CADM2: variants seen among roughly 807,000 people sequenced by gnomAD.
The protein encoded by CADM2 is immunoglobulin superfamily member 4D.
In CADM2, 12 loss-of-function variants were observed where a neutral mutation model predicts 49.8. The ratio of observed to expected loss-of-function variants is 0.24; its 90% CI spans 0.15 to 0.39. The LOEUF (loss-of-function observed/expected upper bound fraction) is 0.39. CADM2 is among the 10% of genes least tolerant of loss of function. CADM2 has a pLI of 1.00. For missense variants in CADM2, 378 were observed against 492.3 expected, an observed-to-expected ratio of 0.77 and a Z score of 2.20; for synonymous variants, 214 against 175.4, an observed-to-expected ratio of 1.22 and a Z score of -1.74.
intron 8 of CADM2, among the ~76,000 whole-genome samples, chr3:86,025,159 G>T (rs1733733011): frequency 6.6e-6 from 1 of 151,874 alleles, no homozygotes; most frequent in African/African-American, 2.4e-5. Flanking sequence ...GAGTTCAAGT[G>T]ATTCTCCTGC....
chr3:85,664,766 G>A (rs1197621103), intron 1 of CADM2, among the ~76,000 whole-genome samples: 4 of 151,868 alleles, frequency 2.6e-5, no homozygotes, highest in Non-Finnish European at 4.4e-5. Flanking sequence ...GACATTTGCT[G>A]TCTCTTATCC....
chr3:85,541,754 T>A (rs1384582659), intron 1 of CADM2, among the ~76,000 whole-genome samples: 3 of 22,924 alleles, frequency 1.3e-4, no homozygotes, highest in Non-Finnish European at 3.7e-4. Context: ...TTTTATATAT[T>A]TTATATATAT....
intron 1 of CADM2, among the ~76,000 whole-genome samples, chr3:85,518,780 A>G (rs1036811567): frequency 3.3e-5 from 5 of 152,084 alleles, no homozygotes; most frequent in African/African-American, 1.2e-4. Context: ...GGACATTGTA[A>G]TGGCATTTAA....
In CADM2 at chr3:85,201,910, G is replaced by A. The variant is rs185505748; in HGVS notation, c.61+242242G>A. On this transcript the variant is annotated intron_variant, in intron 1 of 9. Transcript: ENST00000383699. The stretch of plus-strand genomic sequence containing the variant: ...ATCCTGGCCAACATGGTGAAACCCC[G>A]TCTCTACTAAAAATACAAAAATTCG... Among the ~76,000 whole-genome samples, 37 of 151,670 alleles carry A rather than the reference G, an allele frequency of 2.4e-4. No homozygotes were observed. The South Asian group carries it at 3.1e-3, about 13-fold the overall frequency.
At chr3:85,175,902 C>T (rs1281246492) in intron 1 of CADM2, among the ~76,000 whole-genome samples, 3 of 138,962 alleles carry the variant, frequency 2.2e-5, no homozygotes, top group Admixed American at 1.5e-4. Context: ...CACAGTTTAT[C>T]TGAGTTATGT....
intron 1 of CADM2, among the ~76,000 whole-genome samples, chr3:85,037,697 G>C (rs2035276036): frequency 6.6e-6 from 1 of 152,028 alleles, no homozygotes; most frequent in Non-Finnish European, 1.5e-5. Flanking sequence ...TTATCTTATT[G>C]CATTATATAT....
intron 1 of CADM2, among the ~76,000 whole-genome samples, chr3:85,499,343 G>C (rs2040025554): frequency 6.6e-6 from 1 of 151,988 alleles, no homozygotes; most frequent in Non-Finnish European, 1.5e-5. Context: ...AAAGAGGTCA[G>C]GTATTTAAAG....
intron 1 of CADM2, among the ~76,000 whole-genome samples, chr3:85,581,931 G>A (rs1434511695): frequency 6.6e-6 from 1 of 151,532 alleles, no homozygotes; most frequent in Non-Finnish European, 1.5e-5. Flanking sequence ...GTTTTGTTTT[G>A]TTTTGTTTTG....
intron 1 of CADM2, among the ~76,000 whole-genome samples, chr3:85,261,881 A>G (rs914216062): frequency 6.6e-6 from 1 of 152,096 alleles, no homozygotes; most frequent in Non-Finnish European, 1.5e-5. Context: ...TGAAATCTGT[A>G]TTTCCACGTT....
intron 8 of CADM2, among the ~76,000 whole-genome samples, chr3:85,970,845 A>G (rs952913452): frequency 7.3e-5 from 11 of 151,556 alleles, no homozygotes; most frequent in Non-Finnish European, 1.5e-4. Flanking sequence ...AGCGGTATCA[A>G]GATAAACCTA....
chr3:85,758,274 G>A (rs1049264030), intron 2 of CADM2, among the ~76,000 whole-genome samples: 7 of 152,164 alleles, frequency 4.6e-5, no homozygotes, highest in Non-Finnish European at 7.4e-5. Flanking sequence ...ACTTAATTTA[G>A]CATTGGACAT....
intron 1 of CADM2, among the ~76,000 whole-genome samples, chr3:85,656,905 A>G (rs950607768): frequency 6.6e-6 from 1 of 152,152 alleles, no homozygotes; most frequent in Non-Finnish European, 1.5e-5. Context: ...ATAGAACATG[A>G]TATCAGTCTA....
chr3:85,406,370 T>A (rs937408969), intron 1 of CADM2, among the ~76,000 whole-genome samples: 6 of 152,160 alleles, frequency 3.9e-5, no homozygotes, highest in Non-Finnish European at 8.8e-5. Flanking sequence ...AAAAATTCTA[T>A]AAAATTACAG....
intron 8 of CADM2, among the ~76,000 whole-genome samples, chr3:86,064,323 C>G (rs182989836): frequency 6.6e-6 from 1 of 151,896 alleles, no homozygotes; most frequent in Non-Finnish European, 1.5e-5. Context: ...TTTGTCCTTG[C>G]GATAGTTTGC....
chr3:85,745,924 G>T (rs1359052031), intron 2 of CADM2, among the ~76,000 whole-genome samples: 1 of 151,328 alleles, frequency 6.6e-6, no homozygotes, highest in Non-Finnish European at 1.5e-5. Context: ...TATTTTTTGT[G>T]TCAGAATGAA....
chr3:85,019,982 C>A lies in CADM2; in HGVS notation c.61+60314C>A, dbSNP rs550877913. On this transcript the variant is annotated intron_variant, in intron 1 of 9. Transcript: ENST00000383699. ...TCCCCATTCCAATCCCCACCCTCCA[C>A]AAATACAAAGATATATGTTTTATCT... is the stretch of plus-strand genomic sequence containing the variant. 2.4e-3 allele frequency among the ~76,000 whole-genome samples: 359 copies of A among 152,254 alleles called. 1 individual carries two copies. The highest frequency in any genetic ancestry group is 0.02 in the Middle Eastern group (6 of 294).
At chr3:85,612,746 A>T (rs1297806858) in intron 1 of CADM2, among the ~76,000 whole-genome samples, 3 of 151,814 alleles carry the variant, frequency 2.0e-5, no homozygotes, top group Non-Finnish European at 4.4e-5. Flanking sequence ...AGGGACATTT[A>T]TTATAGCATA....
chr3:85,972,574 C>T (rs1289690079), intron 8 of CADM2, among the ~76,000 whole-genome samples: 1 of 151,746 alleles, frequency 6.6e-6, no homozygotes, highest in Non-Finnish European at 1.5e-5. Context: ...GCAGCTTGGG[C>T]TTCTGGGACT....
chr3:84,960,956 T>C (rs1185597732), intron 1 of CADM2, among the ~76,000 whole-genome samples: 1 of 152,040 alleles, frequency 6.6e-6, no homozygotes, highest in Non-Finnish European at 1.5e-5. Flanking sequence ...GTGTGAGATA[T>C]AGCAAGGATG....
Sources: gnomAD v4.1 joint callset for allele counts (sites outside exome capture counted in the v4.1 genomes callset) on GRCh38, gnomAD v4.1.1 for gene constraint, MANE v1.5 for transcripts, NCBI Gene and HGNC (gene_info 2026-07-23, HGNC 2026-07-21) for gene names.